SOX5: variants seen among roughly 807,000 people sequenced by gnomAD.
SOX5 encodes SRY-box transcription factor 5.
In SOX5, 9 loss-of-function variants were observed where a neutral mutation model predicts 92.0. The observed-to-expected ratio is 0.10, with a 90% confidence interval of 0.06 to 0.17. SOX5 has a LOEUF of 0.17. Among genes scored for constraint, SOX5 ranks in the 10% least tolerant of loss-of-function variants. The pLI is 1.00. For missense variants in SOX5, 642 were observed against 944.5 expected (o/e 0.68, Z 4.20); for synonymous variants, 344 against 336.3 (o/e 1.02, Z -0.25).
chr12:23,534,369 A>G lies in SOX5; in HGVS notation c.2142T>C (p.Gly714=). 2 of 1,613,984 alleles carry G rather than the reference A, an allele frequency of 1.2e-6. No individual in the cohort carries two copies. The highest frequency in any genetic ancestry group is 8.5e-7 in the Non-Finnish European group (1 of 1,179,994). ...TGATATGTGGCTCCTCTCCTTTCAC[A>G]CCGTAAGTGCTCTGGATAACAGGCA... is the stretch of plus-strand genomic sequence containing the variant. ...PGMPVIQSTY[G]VKGEEPHIKE... Residue 714 remains glycine (G), a synonymous_variant, in exon 15 of 15, where the codon GGT becomes GGC. Transcript: ENST00000451604.
At chr12:23,924,558 C>G (rs1051351047) in intron 1 of SOX5, among the ~76,000 whole-genome samples, 2 of 152,060 alleles carry the variant, frequency 1.3e-5, no homozygotes, top group African/African-American at 4.8e-5. Flanking sequence ...AAATCAGGTG[C>G]AACGGAGGAA....
chr12:24,101,847 A>C (rs1032857971), intron 4 of SOX5, among the ~76,000 whole-genome samples: 1 of 152,160 alleles, frequency 6.6e-6, no homozygotes, highest in Non-Finnish European at 1.5e-5. Flanking sequence ...GGATAGACCC[A>C]TACCAATAAA....
chr12:23,790,357 G>T (rs1230212357), intron 3 of SOX5, among the ~76,000 whole-genome samples: 2 of 152,004 alleles, frequency 1.3e-5, no homozygotes, highest in Admixed American at 1.3e-4. Context: ...AAGTTTTCAA[G>T]AAAGGCATTG....
intron 1 of SOX5, among the ~76,000 whole-genome samples, chr12:24,457,195 A>G (rs1943113543): frequency 6.6e-6 from 1 of 152,228 alleles, no homozygotes; most frequent in Admixed American, 6.5e-5. Flanking sequence ...TATGAATATC[A>G]TCTTCTTAAT....
At chr12:23,833,397 A>G (rs890224103) in intron 3 of SOX5, among the ~76,000 whole-genome samples, 4 of 152,014 alleles carry the variant, frequency 2.6e-5, no homozygotes, top group African/African-American at 7.2e-5. Flanking sequence ...GCTTGTCTCC[A>G]TTATGTTGAA....
intron 4 of SOX5, among the ~76,000 whole-genome samples, chr12:24,022,307 G>T (rs1954385689): frequency 6.6e-6 from 1 of 152,132 alleles, no homozygotes. Context: ...AGAGCCTCTT[G>T]TCTGAGAGAG....
At position 23,854,204 on chromosome 12, in the gene SOX5, T is replaced by C. The variant is rs565035057; in HGVS notation, c.271-8011A>G. On this transcript the variant is annotated intron_variant, in intron 2 of 14. Transcript: ENST00000451604. ...CTTTTATCCCACATAGCAATAAATG[T>C]AGTTTTTTAATACAGAGCATTCATT... Among the ~76,000 whole-genome samples the C allele has an allele frequency of 6.6e-5, 10 of 152,254 alleles. No individual in the cohort carries two copies. In the Middle Eastern group the frequency reaches 0.01, roughly 155 times the overall value.
chr12:23,941,217 C>T (rs1225151834), intron 1 of SOX5, among the ~76,000 whole-genome samples: 1 of 151,534 alleles, frequency 6.6e-6, no homozygotes, highest in Non-Finnish European at 1.5e-5. Flanking sequence ...TAAAATAATC[C>T]TGCACATACC....
chr12:24,084,339 T>C (rs993005941), intron 4 of SOX5, among the ~76,000 whole-genome samples: 1 of 152,060 alleles, frequency 6.6e-6, no homozygotes, highest in African/African-American at 2.4e-5. Context: ...GATGGGATTC[T>C]GACTTAATTT....
chr12:24,075,904 G>A (rs1263240999), intron 4 of SOX5, among the ~76,000 whole-genome samples: 1 of 152,178 alleles, frequency 6.6e-6, no homozygotes, highest in Non-Finnish European at 1.5e-5. Flanking sequence ...GCAAGATGCT[G>A]ATTCCCACCA....
At chr12:24,112,562 G>A (rs1465842453) in intron 4 of SOX5, among the ~76,000 whole-genome samples, 7 of 117,724 alleles carry the variant, frequency 5.9e-5, no homozygotes, top group Non-Finnish European at 1.1e-4. Context: ...GCAGGATCTC[G>A]CTCTGTTGTC....
intron 6 of SOX5, among the ~76,000 whole-genome samples, chr12:23,698,727 C>T (rs1013401290): frequency 6.6e-6 from 1 of 152,044 alleles, no homozygotes; most frequent in Admixed American, 6.6e-5. Flanking sequence ...TTTCATCTTA[C>T]TTTTTGTAAT....
At chr12:24,009,722 G>A (rs1310679424) in intron 4 of SOX5, among the ~76,000 whole-genome samples, 1 of 152,120 alleles carries the variant, frequency 6.6e-6, no homozygotes. Context: ...GTGGTATTTA[G>A]TCAAGAATAT....
intron 1 of SOX5, among the ~76,000 whole-genome samples, chr12:24,550,265 G>A (rs1340207807): frequency 6.6e-6 from 1 of 152,134 alleles, no homozygotes; most frequent in Non-Finnish European, 1.5e-5. Flanking sequence ...GAGCAGGGGC[G>A]CCATGATGGT....
chr12:24,418,387 G>C (rs1040051937), intron 1 of SOX5, among the ~76,000 whole-genome samples: 1 of 152,174 alleles, frequency 6.6e-6, no homozygotes, highest in South Asian at 2.1e-4. Context: ...TCTATAAATA[G>C]CATTCACTTG....
At chr12:24,358,959 C>G (rs1955193358) in intron 2 of SOX5, among the ~76,000 whole-genome samples, 1 of 152,170 alleles carries the variant, frequency 6.6e-6, no homozygotes, top group Non-Finnish European at 1.5e-5. Flanking sequence ...AGGTATATAT[C>G]TATCCCCACT....
chr12:24,468,049 C>G (rs958251394), intron 1 of SOX5, among the ~76,000 whole-genome samples: 2 of 152,180 alleles, frequency 1.3e-5, no homozygotes, highest in African/African-American at 4.8e-5. Context: ...ACTGGAGTAA[C>G]TGAGATCATA....
At chr12:24,084,470 C>T (rs1201155948) in intron 4 of SOX5, among the ~76,000 whole-genome samples, 1 of 152,034 alleles carries the variant, frequency 6.6e-6, no homozygotes, top group Non-Finnish European at 1.5e-5. Flanking sequence ...CTTTATTTTG[C>T]TCCTTCATTA....
chr12:23,742,705 C>T (rs777265702), intron 4 of SOX5, among the ~76,000 whole-genome samples: 1 of 152,116 alleles, frequency 6.6e-6, no homozygotes, highest in Non-Finnish European at 1.5e-5. Context: ...AGAAACCTAG[C>T]CCAAGGCTGG....
Sources: allele counts gnomAD v4.1 joint callset (sites outside exome capture counted in the v4.1 genomes callset), GRCh38; gene constraint gnomAD v4.1.1; transcripts MANE v1.5; gene names NCBI Gene and HGNC (gene_info 2026-07-23, HGNC 2026-07-21).